The following GYG2 variants were observed in gnomAD, a reference collection of about 807,000 sequenced individuals.
The protein encoded by GYG2 is glycogenin 2, also known as glycogenin-2.
GYG2 carries 29 observed loss-of-function variants against 29.4 expected under a neutral mutation model. The observed-to-expected ratio is 0.99, with a 90% CI of 0.74 to 1.35. The LOEUF (loss-of-function observed/expected upper bound fraction) is 1.35. Among genes scored for constraint, GYG2 ranks in the 40% most tolerant of loss-of-function variants. The pLI, the probability that GYG2 is intolerant of heterozygous loss-of-function variation, is 0.00. For missense variants in GYG2, 370 were observed against 385.7 expected (o/e 0.96, Z 0.34); for synonymous variants, 167 against 172.3 (o/e 0.97, Z 0.24).
chrX:2,858,745 T>C (rs774983952), intron 6 of GYG2, among the ~76,000 whole-genome samples: 3 of 111,733 alleles, frequency 2.7e-5, no homozygotes, highest in Non-Finnish European at 5.6e-5. Context: ...AACATAGATA[T>C]GTCATGTGAC....
At chrX:2,876,983 A>G (rs1428519889) in intron 9 of GYG2, among the ~76,000 whole-genome samples, 2 of 109,681 alleles carry the variant, frequency 1.8e-5, no homozygotes, top group Admixed American at 9.7e-5. Context: ...AGGTCTTGCT[A>G]TTTTGCCGAG....
At chrX:2,878,776 A>G (rs993131954) in intron 10 of GYG2, among the ~76,000 whole-genome samples, 1 of 112,270 alleles carries the variant, frequency 8.9e-6, no homozygotes, top group Non-Finnish European at 1.9e-5. Flanking sequence ...CCTCTAGGGG[A>G]ACTTTATTTA....
intron 2 of GYG2, among the ~76,000 whole-genome samples, chrX:2,836,393 G>A (rs753185263): frequency 2.7e-5 from 3 of 111,085 alleles, no homozygotes; most frequent in African/African-American, 6.6e-5. Context: ...AGTCTGGTGC[G>A]GTGGCTGGCT....
chrX:2,870,304 C>T (rs920871938), intron 8 of GYG2, among the ~76,000 whole-genome samples: 5 of 110,652 alleles, frequency 4.5e-5, no homozygotes, highest in South Asian at 3.9e-4. Flanking sequence ...TGGGTTCAAG[C>T]GATTCTCCTG....
Position 2,877,310 on chromosome X carries a change from G to A in GYG2, c.1251+3G>A. 1 of 1,208,136 alleles carries A rather than the reference G, an allele frequency of 8.3e-7. No individual in the cohort carries two copies. The highest frequency in any genetic ancestry group is 1.1e-6 in the Non-Finnish European group (1 of 893,015). ...CCAGTCTGCAGGATGCACTGGAGGT[G>A]GTATCCAAATTCTTCCCCTTGCCCA... On this transcript the variant is annotated splice_donor_region_variant and intron_variant, in intron 10 of 10. Transcript: ENST00000398806.
intron 3 of GYG2, among the ~76,000 whole-genome samples, chrX:2,850,732 T>G (rs1160719529): frequency 9.0e-6 from 1 of 110,818 alleles, no homozygotes; most frequent in Non-Finnish European, 1.9e-5. Flanking sequence ...TGAGCACCTT[T>G]CGACCCCCAC....
chrX:2,868,680 G>T (rs2088368704), intron 8 of GYG2, among the ~76,000 whole-genome samples: 1 of 109,682 alleles, frequency 9.1e-6, no homozygotes, highest in African/African-American at 3.3e-5. Context: ...GGGATTGGGG[G>T]GCGAGGGGAG....
intron 8 of GYG2, among the ~76,000 whole-genome samples, chrX:2,865,085 C>T (rs144338695): frequency 0.026 from 2,913 of 111,540 alleles, 87 homozygotes; most frequent in African/African-American, 0.089. Context: ...ACAGTTTATT[C>T]TGAACCACAG....
intron 2 of GYG2, among the ~76,000 whole-genome samples, chrX:2,837,171 G>T (rs1204807915): frequency 3.6e-5 from 4 of 110,579 alleles, no homozygotes; most frequent in African/African-American, 1.3e-4. Flanking sequence ...TGGGTAATAG[G>T]GATCTGAATC....
chrX:2,879,240 GTATC>G (rs1447697433), intron 10 of GYG2, among the ~76,000 whole-genome samples: 1 of 106,403 alleles, frequency 9.4e-6, no homozygotes, highest in Non-Finnish European at 1.9e-5. Context: ...TACATATCAT[GTATC>G]TATCTATCTA....
intron 6 of GYG2, among the ~76,000 whole-genome samples, chrX:2,856,973 A>G (rs928595736): frequency 1.0e-4 from 3 of 29,998 alleles, no homozygotes; most frequent in African/African-American, 1.7e-4. Context: ...TTATCTATCT[A>G]TCTATCTATC....
chrX:2,855,502 T>C (rs2087964292), intron 5 of GYG2, among the ~76,000 whole-genome samples: 1 of 111,812 alleles, frequency 8.9e-6, no homozygotes, highest in Non-Finnish European at 1.9e-5. Flanking sequence ...AAAGGTCCAG[T>C]GAAAATACAG....
At chrX:2,835,671 G>A (rs1171072915) in intron 2 of GYG2, among the ~76,000 whole-genome samples, 1 of 110,535 alleles carries the variant, frequency 9.0e-6, no homozygotes, top group African/African-American at 3.3e-5. Flanking sequence ...GACATCTGGA[G>A]CCACCAGGAG....
intron 8 of GYG2, among the ~76,000 whole-genome samples, chrX:2,873,012 AC>A (rs1353055598): frequency 2.7e-5 from 3 of 112,059 alleles, no homozygotes; most frequent in African/African-American, 9.7e-5. Context: ...CAAGGCGCAT[AC>A]CCAAATCCCG....
intron 10 of GYG2, among the ~76,000 whole-genome samples, chrX:2,879,187 TG>T (rs2088661464): frequency 9.7e-6 from 1 of 102,974 alleles, no homozygotes; most frequent in African/African-American, 3.5e-5. Flanking sequence ...TATATGCCTA[TG>T]GTGTAAAAAC....
intron 10 of GYG2, among the ~76,000 whole-genome samples, chrX:2,879,541 AGGCATAAACCACCACACCC>A (rs1300927561): frequency 8.9e-6 from 1 of 112,408 alleles, no homozygotes; most frequent in Non-Finnish European, 1.9e-5. Context: ...GTGGGATTAC[AGGCATAAACCACCACACCC>A]GGCTATCTAT....
chrX:2,845,049 A>T (rs1269315606), intron 3 of GYG2, among the ~76,000 whole-genome samples: 9 of 6,772 alleles, frequency 1.3e-3, no homozygotes, highest in East Asian at 0.02. Context: ...ATGTGTATGT[A>T]TATATACACG....
At chrX:2,842,497 G>A (rs1457859868) in intron 2 of GYG2, among the ~76,000 whole-genome samples, 1 of 111,095 alleles carries the variant, frequency 9.0e-6, no homozygotes, top group Non-Finnish European at 1.9e-5. Context: ...CTAGCCCAAA[G>A]CACAGTTCTT....
intron 3 of GYG2, among the ~76,000 whole-genome samples, chrX:2,845,791 A>T (rs1296859204): frequency 9.6e-6 from 1 of 103,793 alleles, no homozygotes; most frequent in East Asian, 3.0e-4. Flanking sequence ...ATATATATAC[A>T]TGTGTATGTG....
Sources: gnomAD v4.1 joint callset for allele counts (sites outside exome capture counted in the v4.1 genomes callset) on GRCh38, gnomAD v4.1.1 for gene constraint, MANE v1.5 for transcripts, NCBI Gene and HGNC (gene_info 2026-07-23, HGNC 2026-07-21) for gene names.